Variants in RELN observed in about 807,000 individuals in gnomAD.
RELN encodes reelin.
A neutral mutation model predicts 427.6 loss-of-function variants in RELN; 108 were observed. The ratio of observed to expected loss-of-function variants is 0.25; its 90% CI spans 0.22 to 0.30. The LOEUF (loss-of-function observed/expected upper bound fraction) is 0.30. RELN is among the 10% of genes least tolerant of loss of function. The pLI, the probability that RELN is intolerant of heterozygous loss-of-function variation, is 1.00. For missense variants in RELN, 3,715 were observed against 4,302.8 expected (o/e 0.86, Z 3.82); for synonymous variants, 1,524 against 1,513.4 (o/e 1.01, Z -0.16).
intron 34 of RELN, among the ~76,000 whole-genome samples, chr7:103,562,572 A>G (rs1369124942): frequency 6.6e-6 from 1 of 152,248 alleles, no homozygotes; most frequent in Non-Finnish European, 1.5e-5. Context: ...ATCCAGAAAT[A>G]GATGCAGACT....
Position 103,574,096 on chromosome 7 carries a change from T to G in RELN, c.4507A>C (p.Ile1503Leu). 1 of 1,611,804 alleles carries G rather than the reference T, an allele frequency of 6.2e-7. No homozygotes were observed. Among genetic ancestry groups the G allele is most frequent in the Non-Finnish European group, 8.5e-7 (1 of 1,177,832 alleles). ...ARTVPLDTRNIRLVQFYIQIG... is the reference protein window; with the variant it reads ...ARTVPLDTRNLRLVQFYIQIG... The stretch of plus-strand genomic sequence containing the variant: ...ATACCAGTTAATACTTGTTACCTGA[T>G]ATTCCTGGTGTCCAGAGGGACCGTC... Residue 1503 changes from isoleucine to leucine, a missense_variant, in exon 30 of 65, where the codon ATC becomes CTC. Ile to Leu is a conservative substitution (Grantham distance 5). Around this residue, in one of 4 missense-constraint regions of RELN, gnomAD observed 2,208 missense variants for 2,361.7 expected, o/e 0.93. Transcript: ENST00000428762.
chr7:103,899,405 C>T (rs1795033026), intron 2 of RELN, among the ~76,000 whole-genome samples: 1 of 152,094 alleles, frequency 6.6e-6, no homozygotes, highest in Non-Finnish European at 1.5e-5. Flanking sequence ...CTATGCCGAA[C>T]ATTAGAAAAA....
At position 103,666,545 on chromosome 7, in the gene RELN, T is replaced by A. The variant is rs571052327; in HGVS notation, c.1290-5018A>T. Among the ~76,000 whole-genome samples, 32 of 152,318 alleles carry A rather than the reference T, an allele frequency of 2.1e-4. No homozygotes were observed. The South Asian group carries it at 6.4e-3, about 31-fold the overall frequency. The stretch of plus-strand genomic sequence containing the variant: ...TTGTCATATCTGATGACTGTCCTTT[T>A]TGGTGAATCATAAAATCACACAGAT... On this transcript the variant is annotated intron_variant, in intron 11 of 64. Transcript: ENST00000428762.
intron 41 of RELN, among the ~76,000 whole-genome samples, chr7:103,546,234 G>A (rs927839409): frequency 2.0e-5 from 3 of 152,176 alleles, no homozygotes; most frequent in Non-Finnish European, 4.4e-5. Flanking sequence ...CATATAAATG[G>A]AAAGATAGAA....
chr7:103,610,677 C>A lies in RELN; in HGVS notation c.3008+18G>T. 8.3e-7 allele frequency: 1 copy of A among 1,204,632 alleles called. No homozygotes were observed. Among genetic ancestry groups the A allele is most frequent in the Non-Finnish European group, 1.2e-6 (1 of 807,100 alleles). 74.6% of individuals were successfully genotyped at this position (1,204,632 alleles called of 1,614,324 possible). A position where few individuals can be genotyped will look rare whatever the true frequency, so the allele number is the denominator to read the frequency against. On this transcript the variant is annotated intron_variant, in intron 22 of 64. Coordinates refer to ENST00000428762, the MANE Select transcript of RELN (RefSeq NM_005045.4). Reference sequence around the variant, plus strand: ...GTCAAAGTTAAAGTGACAGCCATATCTAAAGATGTCATCTCACCAAGTTTT... The same window carrying A: ...GTCAAAGTTAAAGTGACAGCCATATATAAAGATGTCATCTCACCAAGTTTT...
chr7:103,898,510 T>C (rs550012624), intron 2 of RELN, among the ~76,000 whole-genome samples: 63 of 152,178 alleles, frequency 4.1e-4, no homozygotes, highest in African/African-American at 1.5e-3. Flanking sequence ...TCTGTTTATA[T>C]AGTGTCAAAT....
Position 103,539,173 on chromosome 7 carries a change from G to A in RELN, c.7085C>T (p.Thr2362Ile), listed in dbSNP as rs749494726. 6.2e-7 allele frequency: 1 copy of A among 1,614,236 alleles called. No individual in the cohort carries two copies. Among genetic ancestry groups the A allele is most frequent in the South Asian group, 1.1e-5 (1 of 91,084 alleles). Residue 2362 changes from threonine to isoleucine, a missense_variant, in exon 45 of 65, where the codon ACC becomes ATC. Physicochemically the swap from Thr to Ile is moderately conservative, Grantham distance 89 (BLOSUM62 -1). This residue lies in a region of RELN where 1,310 missense variants were observed against 1,643.0 expected (regional missense o/e 0.80). Transcript: ENST00000428762. Reference protein sequence around the residue: ...DALVFIEKASTRYVVSTDVAV... With the variant: ...DALVFIEKASIRYVVSTDVAV... ...AACGTCTGTGCTGACCACGTAACGGGTGCTGGCCTTTTCAATGAAGACCAG... is the reference window on the plus strand; with the variant it reads ...AACGTCTGTGCTGACCACGTAACGGATGCTGGCCTTTTCAATGAAGACCAG...
chr7:103,835,880 C>A (rs112857222), intron 2 of RELN, among the ~76,000 whole-genome samples: 1 of 151,974 alleles, frequency 6.6e-6, no homozygotes, highest in Non-Finnish European at 1.5e-5. Flanking sequence ...TCTTCCTGCC[C>A]ACCAGAGTGA....
chr7:103,621,146 T>A (rs999181442), intron 20 of RELN, among the ~76,000 whole-genome samples: 1 of 152,224 alleles, frequency 6.6e-6, no homozygotes, highest in Non-Finnish European at 1.5e-5. Flanking sequence ...TGTCTCATGT[T>A]AAATATAAGT....
At chr7:103,806,606 T>C (rs940151190) in intron 3 of RELN, among the ~76,000 whole-genome samples, 1 of 152,146 alleles carries the variant, frequency 6.6e-6, no homozygotes, top group Non-Finnish European at 1.5e-5. Context: ...ATTACAGGTG[T>C]GAGCCACCAT....
intron 1 of RELN, among the ~76,000 whole-genome samples, chr7:103,934,393 T>A (rs1245154507): frequency 2.6e-5 from 4 of 152,202 alleles, no homozygotes; most frequent in Non-Finnish European, 5.9e-5. Flanking sequence ...AGGAGCCCAT[T>A]ATTCTTACAG....
At chr7:103,919,180 A>G (rs1272584623) in intron 1 of RELN, among the ~76,000 whole-genome samples, 1 of 138,020 alleles carries the variant, frequency 7.2e-6, no homozygotes, top group Non-Finnish European at 1.5e-5. Context: ...AATGTTGCCC[A>G]GACTCTCATG....
rs1445869877 is a variant in RELN at position 103,897,677 on chromosome 7, A to C, written c.337+19398T>G. Among the ~76,000 whole-genome samples, 5 of 152,098 alleles carry C rather than the reference A, an allele frequency of 3.3e-5. No homozygotes were observed. The East Asian group carries it at 9.6e-4, about 29-fold the overall frequency. On this transcript the variant is annotated intron_variant, in intron 2 of 64. Transcript: ENST00000428762. ...AAAGGCACCTGTTAAAGATTGCAAA[A>C]TAAAAGCCATAAGGATCTAGAATTC... is the stretch of plus-strand genomic sequence containing the variant.
rs1232304230 is a variant in RELN, at chr7:103,569,217, C to A, written c.4589-2458G>T. On this transcript the variant is annotated intron_variant, in intron 31 of 64. Transcript: ENST00000428762. The surrounding 1 kb of genome is among the most constrained non-coding windows in gnomAD (Gnocchi z 4.0). The stretch of plus-strand genomic sequence containing the variant: ...ATGGACAGGTCTACAGAGTGAGAAA[C>A]TGAAACCTCTTGCCAACAGCAGAGA... Among the ~76,000 whole-genome samples the A allele has an allele frequency of 1.3e-5, 2 of 152,178 alleles. No homozygotes were observed. The highest frequency in any genetic ancestry group is 2.9e-5 in the Non-Finnish European group (2 of 68,048).
chr7:103,718,320 AAAAC>A (rs1348400490), intron 8 of RELN, among the ~76,000 whole-genome samples: 1 of 127,156 alleles, frequency 7.9e-6, no homozygotes, highest in African/African-American at 3.1e-5. Context: ...GATAAAAACA[AAAAC>A]AAAGCAGCAA....
intron 3 of RELN, among the ~76,000 whole-genome samples, chr7:103,787,354 G>C (rs191883370): frequency 2.4e-4 from 37 of 151,442 alleles, no homozygotes; most frequent in Non-Finnish European, 3.2e-4. Flanking sequence ...GATCAGAGCA[G>C]AACTGAAAAA....
At chr7:103,532,537 T>C (rs543148693) in intron 46 of RELN, among the ~76,000 whole-genome samples, 9 of 152,258 alleles carry the variant, frequency 5.9e-5, no homozygotes, top group Middle Eastern at 3.4e-3. Flanking sequence ...TTAACAGGCT[T>C]TTAAGTGTTC....
At chr7:103,681,248 C>T (rs1411310335) in intron 11 of RELN, among the ~76,000 whole-genome samples, 2 of 152,096 alleles carry the variant, frequency 1.3e-5, no homozygotes, top group East Asian at 1.9e-4. Flanking sequence ...AGCCATCTTG[C>T]CACTCAGGGA....
intron 52 of RELN, among the ~76,000 whole-genome samples, chr7:103,502,753 G>A (rs1829077257): frequency 6.6e-6 from 1 of 152,142 alleles, no homozygotes; most frequent in South Asian, 2.1e-4. Flanking sequence ...CTATTGCTCT[G>A]TTCCCATTTT....
Sources: allele counts gnomAD v4.1 joint callset (sites outside exome capture counted in the v4.1 genomes callset), GRCh38; gene constraint gnomAD v4.1.1; regional missense constraint gnomAD v4.1.1; non-coding constraint Gnocchi (gnomAD v3.1); transcripts MANE v1.5; gene names NCBI Gene and HGNC (gene_info 2026-07-23, HGNC 2026-07-21).